The following TPST1 variants were observed in gnomAD, a reference collection of about 807,000 sequenced individuals.
TPST1 encodes the protein tyrosylprotein sulfotransferase 1, also known as protein-tyrosine sulfotransferase 1.
TPST1 carries 20 observed loss-of-function variants against 34.8 expected under a neutral mutation model. The observed-to-expected ratio is 0.57, with a 90% CI of 0.40 to 0.84. TPST1 has a LOEUF of 0.84. TPST1 is among the 40% of genes least tolerant of loss of function. The pLI is 0.00. For missense variants in TPST1, 353 were observed against 455.5 expected, an observed-to-expected ratio of 0.78 and a Z score of 2.05; for synonymous variants, 152 against 159.4, an observed-to-expected ratio of 0.95 and a Z score of 0.35.
chr7:66,333,526 C>G lies in TPST1; in HGVS notation c.1045-18979C>G, dbSNP rs73146650. 1.8e-3 allele frequency among the ~76,000 whole-genome samples: 273 copies of G among 152,340 alleles called. 1 individual carries two copies. Among genetic ancestry groups the G allele is most frequent in the Non-Finnish European group, 3.3e-3 (226 of 68,036 alleles). ...TGTCACTCAGGCTTTGAGAAACTTCCTTCAGAATCATAAAACATTAGAACT... is the reference window on the plus strand; with the variant it reads ...TGTCACTCAGGCTTTGAGAAACTTCGTTCAGAATCATAAAACATTAGAACT... On this transcript the variant is annotated intron_variant, in intron 3 of 5. Coordinates refer to ENST00000304842, the MANE Select transcript of TPST1 (RefSeq NM_003596.4).
chr7:66,241,360 G>A (rs1790032559), intron 2 of TPST1, 90 bp downstream of exon 2: 5 of 1,452,480 alleles, frequency 3.4e-6, no homozygotes, highest in Admixed American at 4.8e-5. Context: ...GTATATATGT[G>A]TGTATGTTCC....
chr7:66,264,891 A>G (rs906545073), intron 2 of TPST1, among the ~76,000 whole-genome samples: 1 of 152,180 alleles, frequency 6.6e-6, no homozygotes, highest in South Asian at 2.1e-4. Context: ...AGAAAACCAT[A>G]TCTTAAACAA....
chr7:66,245,374 AGG>A (rs1790125255), intron 2 of TPST1, among the ~76,000 whole-genome samples: 1 of 152,300 alleles, frequency 6.6e-6, no homozygotes, highest in East Asian at 1.9e-4. Flanking sequence ...AGGAAACATC[AGG>A]GGTCAGGGGC....
At chr7:66,257,813 A>C (rs1458194493) in intron 2 of TPST1, among the ~76,000 whole-genome samples, 1 of 152,134 alleles carries the variant, frequency 6.6e-6, no homozygotes, top group East Asian at 1.9e-4. Flanking sequence ...TATTAGGCAC[A>C]CCCTTAATTT....
chr7:66,356,178 A>G (rs1319531500), intron 4 of TPST1, among the ~76,000 whole-genome samples: 1 of 152,176 alleles, frequency 6.6e-6, no homozygotes. Context: ...ATTAGCTAGA[A>G]TGGTTCATAA....
chr7:66,217,181 C>T (rs1274761720), intron 1 of TPST1, among the ~76,000 whole-genome samples: 5 of 152,064 alleles, frequency 3.3e-5, no homozygotes, highest in Admixed American at 3.3e-4. Context: ...TGCTTGGAGG[C>T]TTGTATAGAT....
chr7:66,299,691 T>C (rs937494), intron 3 of TPST1, among the ~76,000 whole-genome samples: 3 of 151,300 alleles, frequency 2.0e-5, no homozygotes, highest in Non-Finnish European at 4.4e-5. Context: ...TGGTGACTTC[T>C]TCATTTCAGA....
At chr7:66,274,345 C>T (rs1231238315) in intron 2 of TPST1, among the ~76,000 whole-genome samples, 1 of 149,556 alleles carries the variant, frequency 6.7e-6, no homozygotes, top group Non-Finnish European at 1.5e-5. Flanking sequence ...CCAGCCTGGG[C>T]GACAGAGTGA....
chr7:66,231,603 G>C (rs1305575221), intron 1 of TPST1, among the ~76,000 whole-genome samples: 1 of 152,246 alleles, frequency 6.6e-6, no homozygotes, highest in Admixed American at 6.5e-5. Flanking sequence ...CTCATTGCCC[G>C]GGGCCGGCAG....
At chr7:66,359,356 GC>G (rs1792645280) in intron 5 of TPST1, 1 of 142,080 alleles carries the variant, frequency 7.0e-6, no homozygotes, top group Non-Finnish European at 1.5e-5. Flanking sequence ...TCAGGGTGCT[GC>G]CCCCTGGACA....
chr7:66,247,317 A>G (rs1790168811), intron 2 of TPST1, among the ~76,000 whole-genome samples: 1 of 152,084 alleles, frequency 6.6e-6, no homozygotes. Flanking sequence ...AAACCCAGCT[A>G]CTCGGGAGGC....
chr7:66,217,407 G>T (rs1423687975), intron 1 of TPST1, among the ~76,000 whole-genome samples: 1 of 151,898 alleles, frequency 6.6e-6, no homozygotes, highest in East Asian at 1.9e-4. Flanking sequence ...GTATTTTTTT[G>T]ATGAATTGTT....
At chr7:66,254,604 A>G (rs1379588487) in intron 2 of TPST1, among the ~76,000 whole-genome samples, 1 of 151,998 alleles carries the variant, frequency 6.6e-6, no homozygotes, top group Non-Finnish European at 1.5e-5. Context: ...GGGTTTTGCC[A>G]TGTTTTCCAG....
At chr7:66,346,855 T>C (rs1288093793) in intron 3 of TPST1, among the ~76,000 whole-genome samples, 1 of 152,088 alleles carries the variant, frequency 6.6e-6, no homozygotes. Context: ...CCATTTTTGC[T>C]TTGGGTGCCT....
intron 2 of TPST1, among the ~76,000 whole-genome samples, chr7:66,256,429 C>T (rs568667818): frequency 6.6e-6 from 1 of 152,314 alleles, no homozygotes; most frequent in African/African-American, 2.4e-5. Flanking sequence ...TTCAGAGTCC[C>T]TCACAAGGCT....
chr7:66,275,751 A>G (rs1250683059), intron 2 of TPST1, among the ~76,000 whole-genome samples: 2 of 152,164 alleles, frequency 1.3e-5, no homozygotes, highest in African/African-American at 4.8e-5. Flanking sequence ...ATGTTGGATT[A>G]AAGGATATAA....
chr7:66,322,026 T>TCA (rs1491111575), intron 3 of TPST1, among the ~76,000 whole-genome samples: 2 of 152,212 alleles, frequency 1.3e-5, no homozygotes, highest in Non-Finnish European at 2.9e-5. Flanking sequence ...CCTTGCCTTT[T>TCA]CTCTCTCTTA....
intron 3 of TPST1, among the ~76,000 whole-genome samples, chr7:66,300,546 A>C (rs1051311535): frequency 5.3e-5 from 8 of 152,226 alleles, no homozygotes. Context: ...TGGCATCTAA[A>C]ATGATGAACC....
intron 3 of TPST1, among the ~76,000 whole-genome samples, chr7:66,333,611 A>G (rs991750952): frequency 2.6e-5 from 4 of 152,208 alleles, no homozygotes; most frequent in African/African-American, 4.8e-5. Flanking sequence ...TGAATAATTA[A>G]CAGTAAAGTT....
Sources: allele counts gnomAD v4.1 joint callset (sites outside exome capture counted in the v4.1 genomes callset), GRCh38; gene constraint gnomAD v4.1.1; transcripts MANE v1.5; gene names NCBI Gene and HGNC (gene_info 2026-07-23, HGNC 2026-07-21).